The following SOX13 variants were observed in gnomAD, a reference collection of about 807,000 sequenced individuals.
SOX13 encodes the protein transcription factor SOX-13.
In SOX13, 28 loss-of-function variants were observed where a neutral mutation model predicts 71.8. That is an observed-to-expected ratio of 0.39 (90% CI 0.29 to 0.53). The LOEUF is 0.53. Ranked by LOEUF, SOX13 falls within the 20% of genes least tolerant of loss-of-function variation. The pLI is 0.70. For synonymous variants in SOX13, 309 were observed against 317.8 expected (o/e 0.97, Z 0.29); for missense variants, 627 against 810.3 (o/e 0.77, Z 2.75).
intron 13 of SOX13, 30 bp downstream of exon 13, chr1:204,124,887 A>G: frequency 3.4e-6 from 5 of 1,491,878 alleles, no homozygotes; most frequent in African/African-American, 1.4e-5. Flanking sequence ...GGCAGCCAGG[A>G]GACTGTGTGT....
rs1394030397 is a variant in SOX13, at chr1:204,122,884, A to T, written c.1055A>T (p.Lys352Ile). 1 of 1,575,212 alleles carries T rather than the reference A, an allele frequency of 6.3e-7. No homozygotes were observed. The highest frequency in any genetic ancestry group is 1.8e-5 in the Admixed American group (1 of 54,612). Residue 352 changes from lysine (K) to isoleucine (I), a missense_variant, in exon 10 of 14, where the codon AAA becomes ATA. Coordinates refer to ENST00000367204, the MANE Select transcript of SOX13 (RefSeq NM_005686.3). ...GFLGEGDAVTKAIQDARQLLH... is the reference protein window; with the variant it reads ...GFLGEGDAVTIAIQDARQLLH... ...CTTGGTGAAGGGGACGCTGTCACCA[A>T]AGCCATCCAGGATGCTCGGCAGCTG...
At chr1:204,089,995 G>A (rs887700070) in intron 1 of SOX13, among the ~76,000 whole-genome samples, 5 of 152,324 alleles carry the variant, frequency 3.3e-5, no homozygotes, top group Admixed American at 1.3e-4. Flanking sequence ...AACTCTCTCC[G>A]ACCAGGATGG....
intron 7 of SOX13, chr1:204,119,319 C>CT (rs1656756001): frequency 6.6e-6 from 1 of 152,210 alleles, no homozygotes; most frequent in Non-Finnish European, 1.5e-5. Context: ...ACATACAGTT[C>CT]TGGGGGCTGT....
At chr1:204,100,337 C>T (rs1038572265) in intron 1 of SOX13, among the ~76,000 whole-genome samples, 1 of 152,162 alleles carries the variant, frequency 6.6e-6, no homozygotes, top group Non-Finnish European at 1.5e-5. Flanking sequence ...GTGGGTTCCA[C>T]GTGTCAGGAT....
At chr1:204,091,758 T>C (rs1571571638) in intron 1 of SOX13, among the ~76,000 whole-genome samples, 1 of 142,524 alleles carries the variant, frequency 7.0e-6, no homozygotes, top group South Asian at 2.2e-4. Context: ...GTGTGTGTGT[T>C]TGTGTTTTAG....
intron 1 of SOX13, among the ~76,000 whole-genome samples, chr1:204,095,129 T>G (rs1656225758): frequency 6.6e-6 from 1 of 152,034 alleles, no homozygotes; most frequent in Non-Finnish European, 1.5e-5. Context: ...GTACAGTAAG[T>G]CTCCCAGGGT....
chr1:204,109,449 A>C (rs553486754), intron 1 of SOX13, among the ~76,000 whole-genome samples: 10 of 152,240 alleles, frequency 6.6e-5, no homozygotes, highest in Admixed American at 1.3e-4. Context: ...ACAAATACTT[A>C]ACCATTGCAT....
chr1:204,080,783 C>A (rs984065751), intron 1 of SOX13, among the ~76,000 whole-genome samples: 11 of 152,048 alleles, frequency 7.2e-5, no homozygotes, highest in Non-Finnish European at 1.5e-5. Flanking sequence ...CCAGGACTAG[C>A]CATTTGAAGG....
At position 204,114,388 on chromosome 1, in the gene SOX13, C is replaced by G. The variant is rs772617530; in HGVS notation, c.287C>G (p.Ser96Cys). ...AGACCAGGAGTGTCGGAGGCTGCCT[C>G]TGGAAGCCAGGAGAAGCTGGACTTC... ...PKRPGVSEAASGSQEKLDFNR... is the reference protein window; with the variant it reads ...PKRPGVSEAACGSQEKLDFNR... The change falls in exon 3 of 14, where the codon TCT (serine) becomes TGT (cysteine). Residue 96 changes from serine (S) to cysteine (C), a missense_variant. Coordinates refer to ENST00000367204, the MANE Select transcript of SOX13 (RefSeq NM_005686.3). 1.2e-6 allele frequency: 2 copies of G among 1,612,786 alleles called. No individual in the cohort carries two copies. The highest frequency in any genetic ancestry group is 2.2e-5 in the South Asian group (2 of 90,730).
chr1:204,126,269 T>C lies in SOX13; in HGVS notation c.*135T>C, dbSNP rs1169606630. The C allele has an allele frequency of 9.4e-6, 9 of 957,464 alleles. No homozygotes were observed. The highest frequency in any genetic ancestry group is 7.2e-5 in the Admixed American group (3 of 41,430). 59.3% of individuals were successfully genotyped at this position (957,464 alleles called of 1,614,324 possible). On this transcript the variant is annotated 3_prime_UTR_variant, in exon 14 of 14. Coordinates refer to ENST00000367204, the MANE Select transcript of SOX13 (RefSeq NM_005686.3). ...CCCAGAGATGGGCAAAGCTGTGCAC[T>C]TGCAGATACATTCATGAGGGGAGAG...
Position 204,126,240 on chromosome 1 carries a change from G to A in SOX13, c.*106G>A, listed in dbSNP as rs764678941. ...ACTATGTTGGTACTTGGACTTGTTCGTGCCCCAGAGATGGGCAAAGCTGTG... is the reference window on the plus strand; with the variant it reads ...ACTATGTTGGTACTTGGACTTGTTCATGCCCCAGAGATGGGCAAAGCTGTG... On this transcript the variant is annotated 3_prime_UTR_variant, in exon 14 of 14. Coordinates refer to ENST00000367204, the MANE Select transcript of SOX13 (RefSeq NM_005686.3). 35 of 1,246,882 alleles carry A rather than the reference G, an allele frequency of 2.8e-5. No homozygotes were observed. Among genetic ancestry groups the A allele is most frequent in the Middle Eastern group, 2.2e-4 (1 of 4,522 alleles). 77.2% of individuals were successfully genotyped at this position (1,246,882 alleles called of 1,614,324 possible).
At chr1:204,076,865 C>T (rs950662098) in intron 1 of SOX13, among the ~76,000 whole-genome samples, 2 of 152,244 alleles carry the variant, frequency 1.3e-5, no homozygotes, top group Non-Finnish European at 2.9e-5. Context: ...CTGTGCTACG[C>T]AGTGGGATAA....
chr1:204,077,947 G>T (rs2102217738), intron 1 of SOX13, among the ~76,000 whole-genome samples: 1 of 152,276 alleles, frequency 6.6e-6, no homozygotes, highest in East Asian at 1.9e-4. Flanking sequence ...GAGTAACTGG[G>T]ACTACAGGTG....
intron 1 of SOX13, chr1:204,074,321 C>G (rs1224774196): frequency 6.6e-6 from 1 of 152,064 alleles, no homozygotes; most frequent in East Asian, 1.9e-4. Context: ...CCGGCTGCTC[C>G]TGTCCCACCC....
At chr1:204,088,989 G>A (rs1428648289) in intron 1 of SOX13, among the ~76,000 whole-genome samples, 2 of 152,304 alleles carry the variant, frequency 1.3e-5, no homozygotes, top group Non-Finnish European at 2.9e-5. Context: ...CCCTCTCAGC[G>A]ATTGTGACCA....
chr1:204,088,467 A>G (rs777018944), intron 1 of SOX13, among the ~76,000 whole-genome samples: 3 of 152,208 alleles, frequency 2.0e-5, no homozygotes, highest in Non-Finnish European at 4.4e-5. Context: ...GCATTTGCAT[A>G]TAACCAGTAC....
In SOX13 at chr1:204,126,171, G is replaced by T. The variant is rs1656919590; in HGVS notation, c.*37G>T. 1.2e-6 allele frequency: 2 copies of T among 1,600,040 alleles called. No individual in the cohort carries two copies. The highest frequency in any genetic ancestry group is 1.7e-5 in the Admixed American group (1 of 59,398). On this transcript the variant is annotated 3_prime_UTR_variant, in exon 14 of 14. Coordinates refer to ENST00000367204, the MANE Select transcript of SOX13 (RefSeq NM_005686.3). Reference sequence around the variant, plus strand: ...TGGGCCTGGCCCCTTCTCCTCTGGGGAAGACCTTGTCCCAACTCGATGGGC... The same window carrying T: ...TGGGCCTGGCCCCTTCTCCTCTGGGTAAGACCTTGTCCCAACTCGATGGGC...
At chr1:204,075,916 C>G (rs572404330) in intron 1 of SOX13, among the ~76,000 whole-genome samples, 4 of 152,298 alleles carry the variant, frequency 2.6e-5, no homozygotes, top group East Asian at 3.9e-4. Flanking sequence ...CAGAAGAGCA[C>G]TTGGTGATTG....
intron 8 of SOX13, 106 bp from the exon 9 acceptor site, chr1:204,122,131 C>T (rs1295508350): frequency 4.4e-6 from 5 of 1,133,638 alleles, no homozygotes; most frequent in African/African-American, 1.6e-5. Context: ...ACTTTTCTGT[C>T]TGTCTCCTTG....
Sources: allele counts gnomAD v4.1 joint callset (sites outside exome capture counted in the v4.1 genomes callset), GRCh38; gene constraint gnomAD v4.1.1; transcripts MANE v1.5; gene names NCBI Gene and HGNC (gene_info 2026-07-23, HGNC 2026-07-21).